The following ATP13A3 variants were observed in gnomAD, a reference collection of about 807,000 sequenced individuals.
ATP13A3 encodes the protein polyamine-transporting ATPase 13A3.
ATP13A3 carries 59 observed loss-of-function variants against 158.1 expected under a neutral mutation model. The ratio of observed to expected loss-of-function variants is 0.37; its 90% CI spans 0.30 to 0.46. The LOEUF is 0.46. Among genes scored for constraint, ATP13A3 ranks in the 20% least tolerant of loss-of-function variants. The pLI is 1.00. For missense variants in ATP13A3, 1,166 were observed against 1,525.2 expected (o/e 0.76, Z 3.92); for synonymous variants, 491 against 504.3 (o/e 0.97, Z 0.35).
upstream of ATP13A3, among the ~76,000 whole-genome samples, chr3:194,491,261 A>G (rs1411777357): frequency 6.6e-6 from 1 of 152,002 alleles, no homozygotes; most frequent in African/African-American, 2.4e-5. Flanking sequence ...ACTTATCCCA[A>G]ACTTAACTCT....
intron 33 of ATP13A3, among the ~76,000 whole-genome samples, chr3:194,410,951 TG>T (rs1560067420): frequency 1.3e-5 from 2 of 151,386 alleles, no homozygotes; most frequent in Non-Finnish European, 2.9e-5. Flanking sequence ...TGTGTGTGTG[TG>T]TGTGTGTGTG....
chr3:194,493,459 C>T (rs1182788084), intron 2 of ATP13A3, among the ~76,000 whole-genome samples: 1 of 151,974 alleles, frequency 6.6e-6, no homozygotes, highest in Admixed American at 6.6e-5. Flanking sequence ...CCAGCCTGGC[C>T]AACATAATGA....
chr3:194,409,815 C>T (rs536553455), intron 33 of ATP13A3, among the ~76,000 whole-genome samples: 4 of 149,520 alleles, frequency 2.7e-5, no homozygotes, highest in South Asian at 4.2e-4. Flanking sequence ...AAATCACCTC[C>T]GATTGAGAAC....
intron 33 of ATP13A3, among the ~76,000 whole-genome samples, chr3:194,410,747 T>C (rs879896170): frequency 4.8e-4 from 73 of 152,298 alleles, no homozygotes; most frequent in African/African-American, 7.7e-4. Context: ...CTTCAAAACA[T>C]GCAATTTCTT....
chr3:194,406,107 C>G lies in ATP13A3; in HGVS notation c.3583G>C (p.Asp1195His), dbSNP rs1560063414. 1 of 1,614,076 alleles carries G rather than the reference C, an allele frequency of 6.2e-7. No individual in the cohort carries two copies. Among genetic ancestry groups the G allele is most frequent in the Non-Finnish European group, 8.5e-7 (1 of 1,180,020 alleles). Reference protein sequence around the residue: ...STTQPPQESVDRWGKCCLPWA... With the variant: ...STTQPPQESVHRWGKCCLPWA... Reference sequence around the variant, plus strand: ...GGTAAGCAGCATTTTCCCCACCGATCCACTGACTCCTAAGAAAATAAGAAA... The same window carrying G: ...GGTAAGCAGCATTTTCCCCACCGATGCACTGACTCCTAAGAAAATAAGAAA... Residue 1195 changes from aspartate to histidine, a missense_variant, in exon 34 of 34, where the codon GAT (aspartate) becomes CAT (histidine). Physicochemically the swap from Asp to His is moderately conservative, Grantham distance 81 (BLOSUM62 -1). Around this residue, in one of 3 missense-constraint regions of ATP13A3, gnomAD observed 997 missense variants for 1,341.2 expected, o/e 0.74. Coordinates refer to ENST00000645319, the MANE Select transcript of ATP13A3 (RefSeq NM_001367549.1).
At chr3:194,466,177 C>G (rs1719978416) in intron 2 of ATP13A3, among the ~76,000 whole-genome samples, 1 of 151,960 alleles carries the variant, frequency 6.6e-6, no homozygotes, top group Admixed American at 6.6e-5. Flanking sequence ...CAGCTTCCAC[C>G]TTAAGAAAAG....
chr3:194,428,463 C>T (rs553478297), intron 28 of ATP13A3, among the ~76,000 whole-genome samples: 5 of 152,204 alleles, frequency 3.3e-5, no homozygotes, highest in Non-Finnish European at 5.9e-5. Context: ...GCATAAAGGA[C>T]ATTGTTGACA....
intron 16 of ATP13A3, among the ~76,000 whole-genome samples, chr3:194,440,427 A>G (rs1048117128): frequency 1.3e-5 from 2 of 152,188 alleles, no homozygotes; most frequent in African/African-American, 4.8e-5. Context: ...AAAGCAACGG[A>G]GAGGCTAACT....
chr3:194,461,276 C>A (rs993418717), intron 3 of ATP13A3, among the ~76,000 whole-genome samples: 2 of 151,926 alleles, frequency 1.3e-5, no homozygotes, highest in African/African-American at 4.8e-5. Flanking sequence ...CCTGTACATC[C>A]TTTGTGCAGT....
At chr3:194,454,467 C>A in intron 8 of ATP13A3, 75 bp from the exon 9 acceptor site, 1 of 1,410,592 alleles carries the variant, frequency 7.1e-7, no homozygotes, top group African/African-American at 1.4e-5. Flanking sequence ...TTTCATTTGA[C>A]AAACAAAAAG....
chr3:194,429,960 TG>T, intron 26 of ATP13A3, 111 bp downstream of exon 26: 1 of 1,049,848 alleles, frequency 9.5e-7, no homozygotes, highest in East Asian at 2.6e-5. Flanking sequence ...ACAGCTCAAA[TG>T]TGCTAATCTG....
intron 2 of ATP13A3, 54 bp from the exon 3 acceptor site, chr3:194,462,290 G>A (rs1033633455): frequency 2.2e-5 from 26 of 1,172,968 alleles, no homozygotes; most frequent in East Asian, 7.2e-5. Context: ...CTTAGTAGAC[G>A]ATACAACTGC....
At chr3:194,457,785 CTTTT>C (rs147162535) in intron 6 of ATP13A3, among the ~76,000 whole-genome samples, 2 of 127,906 alleles carry the variant, frequency 1.6e-5, no homozygotes, top group Non-Finnish European at 1.7e-5. Flanking sequence ...CTTAATTATG[CTTTT>C]TTTTTTTTTT....
chr3:194,408,496 C>T (rs1715119464), intron 33 of ATP13A3, among the ~76,000 whole-genome samples: 1 of 152,202 alleles, frequency 6.6e-6, no homozygotes, highest in Admixed American at 6.5e-5. Context: ...CAAACACACA[C>T]ATATCTCAAT....
upstream of ATP13A3, among the ~76,000 whole-genome samples, chr3:194,491,296 C>G (rs1470888961): frequency 6.6e-6 from 1 of 152,108 alleles, no homozygotes; most frequent in Non-Finnish European, 1.5e-5. Context: ...AAATCAGCTC[C>G]TCTCTCCTGG....
chr3:194,446,376 A>G (rs1350551331), intron 14 of ATP13A3, among the ~76,000 whole-genome samples: 1 of 152,102 alleles, frequency 6.6e-6, no homozygotes, highest in Admixed American at 6.6e-5. Flanking sequence ...GTGAACCAGC[A>G]CATTTAAATG....
intron 30 of ATP13A3, among the ~76,000 whole-genome samples, chr3:194,423,775 A>G (rs1387310875): frequency 6.6e-6 from 1 of 152,208 alleles, no homozygotes; most frequent in Non-Finnish European, 1.5e-5. Context: ...TTTTTTAATA[A>G]GTTTTCCAAA....
At chr3:194,480,106 G>A (rs1277051147) in intron 2 of ATP13A3, among the ~76,000 whole-genome samples, 2 of 152,114 alleles carry the variant, frequency 1.3e-5, no homozygotes, top group East Asian at 1.9e-4. Context: ...TATCTTCAAT[G>A]TTACTAAGTT....
At position 194,494,230 on chromosome 3, in the gene ATP13A3, A is replaced by C. The variant is rs1721179593; in HGVS notation, n.566T>G. ...TCATGAGCCAGGACCTTCCTCAGCC[A>C]CATCTGGATCCTCAGCCCCTCACAG... On this transcript the variant is annotated non_coding_transcript_exon_variant, in exon 2 of 33. Transcript: ENST00000687055. The surrounding 1 kb of genome is among the most constrained non-coding windows in gnomAD (Gnocchi z 4.2). 2.5e-6 allele frequency: 1 copy of C among 398,564 alleles called. No individual in the cohort carries two copies. The highest frequency in any genetic ancestry group is 4.4e-6 in the Non-Finnish European group (1 of 226,120). 24.7% of individuals were successfully genotyped at this position (398,564 alleles called of 1,614,324 possible). A position where few individuals can be genotyped will look rare whatever the true frequency, so the allele number is the denominator to read the frequency against.
Sources: gnomAD v4.1 joint callset for allele counts (sites outside exome capture counted in the v4.1 genomes callset) on GRCh38, gnomAD v4.1.1 for gene constraint, gnomAD v4.1.1 regional missense constraint, Gnocchi (gnomAD v3.1) non-coding constraint, MANE v1.5 for transcripts, NCBI Gene and HGNC (gene_info 2026-07-23, HGNC 2026-07-21) for gene names.